The following PPP2R3C variants were observed in gnomAD, a reference collection of about 807,000 sequenced individuals.
The protein encoded by PPP2R3C is serine/threonine-protein phosphatase 2A regulatory subunit B'' subunit gamma.
A neutral mutation model predicts 63.7 loss-of-function variants in PPP2R3C; 47 were observed. That is an observed-to-expected ratio of 0.74 (90% CI 0.58 to 0.94). The LOEUF is 0.94. Ranked by LOEUF, PPP2R3C falls within the 40% of genes least tolerant of loss-of-function variation. The probability of loss-of-function intolerance (pLI) is 0.00; values close to 1 mark genes in which losing one functional copy is unlikely to be tolerated. For missense variants in PPP2R3C, 421 were observed against 518.4 expected (o/e 0.81, Z 1.82); for synonymous variants, 180 against 177.4 (o/e 1.01, Z -0.12).
At chr14:35,100,180 G>T (rs2046140713) in intron 6 of PPP2R3C, 1 of 152,074 alleles carries the variant, frequency 6.6e-6, no homozygotes, top group Non-Finnish European at 1.5e-5. Flanking sequence ...TTATATCATT[G>T]CATAGATGTG....
At chr14:35,106,663 A>ATTTTTTT in intron 6 of PPP2R3C, among the ~76,000 whole-genome samples, 1 of 100,402 alleles carries the variant, frequency 1.0e-5, no homozygotes, top group East Asian at 3.0e-4. Context: ...CAGCCAATAC[A>ATTTTTTT]TTTTTTTTTT....
At chr14:35,122,201 T>C, upstream of PPP2R3C, 1 of 530,038 alleles carries the variant, frequency 1.9e-6, no homozygotes, top group South Asian at 2.2e-5. Context: ...TGGTTCTCCT[T>C]CAGAGGCGAC....
chr14:35,114,495 A>G (rs552871866), intron 2 of PPP2R3C, among the ~76,000 whole-genome samples: 38 of 152,340 alleles, frequency 2.5e-4, no homozygotes, highest in Non-Finnish European at 5.0e-4. Flanking sequence ...ATCATTGTTT[A>G]CTATACTTGC....
At chr14:35,120,166 A>T (rs1011717734) in intron 1 of PPP2R3C, among the ~76,000 whole-genome samples, 1 of 150,746 alleles carries the variant, frequency 6.6e-6, no homozygotes, top group Non-Finnish European at 1.5e-5. Flanking sequence ...CAGTGAAGCC[A>T]GAGTGTATGG....
At position 35,085,499 on chromosome 14, in the gene PPP2R3C, T is replaced by C. The variant is rs2045561140; in HGVS notation, c.*91A>G. The C allele has an allele frequency of 4.9e-6, 6 of 1,215,612 alleles. No individual in the cohort carries two copies. Among genetic ancestry groups the C allele is most frequent in the Non-Finnish European group, 6.7e-6 (6 of 894,918 alleles). 75.3% of individuals were successfully genotyped at this position (1,215,612 alleles called of 1,614,324 possible). A position where few individuals can be genotyped will look rare whatever the true frequency, so the allele number is the denominator to read the frequency against. On this transcript the variant is annotated 3_prime_UTR_variant, in exon 13 of 13. Transcript: ENST00000261475. ...TGTTCTCTAGGCATATCAAGTGTTT[T>C]ATTTAGACCATTTCTGAGGATTTTG...
At chr14:35,096,203 C>T (rs999635020) in intron 9 of PPP2R3C, among the ~76,000 whole-genome samples, 3 of 137,916 alleles carry the variant, frequency 2.2e-5, no homozygotes, top group Admixed American at 8.1e-5. Context: ...ATTAGCCAGG[C>T]ATGGCGCCTG....
At chr14:35,102,507 AAC>A (rs1390353366) in intron 6 of PPP2R3C, 4 of 152,110 alleles carry the variant, frequency 2.6e-5, no homozygotes, top group Non-Finnish European at 5.9e-5. Context: ...CCTCTATTCC[AAC>A]AGTTACTCAA....
chr14:35,118,456 T>C (rs1292265195), intron 1 of PPP2R3C, among the ~76,000 whole-genome samples: 1 of 152,128 alleles, frequency 6.6e-6, no homozygotes, highest in East Asian at 1.9e-4. Context: ...ACCTATATAA[T>C]TTACTTATTA....
At chr14:35,121,724 G>A in intron 1 of PPP2R3C, 178 bp downstream of exon 1, 1 of 637,000 alleles carries the variant, frequency 1.6e-6, no homozygotes, top group Non-Finnish European at 2.7e-6. Flanking sequence ...TCTGCCCCAG[G>A]AAAGTTTGGG....
intron 2 of PPP2R3C, among the ~76,000 whole-genome samples, chr14:35,116,263 G>A (rs1247953545): frequency 6.6e-6 from 1 of 150,936 alleles, no homozygotes; most frequent in Admixed American, 6.6e-5. Flanking sequence ...TTTTTCTGGG[G>A]GTGGGGAGGA....
chr14:35,110,428 G>A lies in PPP2R3C; in HGVS notation c.291+97C>T, dbSNP rs575758447. 9.1e-6 allele frequency: 7 copies of A among 768,796 alleles called. No individual in the cohort carries two copies. The African/African-American group carries it at 1.2e-4, about 13-fold the overall frequency. The allele number at this position is 768,796 out of a possible 1,614,324, so 47.6% of individuals were successfully genotyped here. A position where few individuals can be genotyped will look rare whatever the true frequency, so the allele number is the denominator to read the frequency against. ...AGAGCCTATGTAGTACCACTCTGTA[G>A]TACGGACTCCATTAGGCACCAAGAA... On this transcript the variant is annotated intron_variant, in intron 3 of 12. Transcript: ENST00000261475.
chr14:35,116,605 CT>C lies in PPP2R3C; in HGVS notation c.186+4del. On this transcript the variant is annotated splice_donor_region_variant and intron_variant, in intron 2 of 12. Transcript: ENST00000261475. ...CTGCAGGACATTTGATTAGACACTA[CT>C]TACCCTATAATAAAACCGGGGAATG... The C allele has an allele frequency of 6.3e-7, 1 of 1,582,736 alleles. No individual in the cohort carries two copies. Among genetic ancestry groups the C allele is most frequent in the Non-Finnish European group, 8.6e-7 (1 of 1,164,934 alleles).
At chr14:35,096,032 A>G (rs2045988715) in intron 9 of PPP2R3C, among the ~76,000 whole-genome samples, 1 of 152,128 alleles carries the variant, frequency 6.6e-6, no homozygotes, top group South Asian at 2.1e-4. Context: ...TCTATTGAAA[A>G]GGAAGTGTAT....
chr14:35,111,060 C>A (rs375086207), intron 2 of PPP2R3C, among the ~76,000 whole-genome samples: 29 of 152,018 alleles, frequency 1.9e-4, no homozygotes, highest in African/African-American at 6.7e-4. Context: ...CACTGTGCAA[C>A]CCCGTCTCTA....
At chr14:35,122,040 A>G (rs1201916012), upstream of PPP2R3C, 1 of 1,522,100 alleles carries the variant, frequency 6.6e-7, no homozygotes, top group African/African-American at 1.4e-5. Flanking sequence ...CAGCACCGCC[A>G]GGCCCCGTAA....
chr14:35,107,312 G>A lies in PPP2R3C; in HGVS notation c.565C>T (p.Arg189Trp), dbSNP rs763912719. The A allele has an allele frequency of 1.2e-6, 2 of 1,601,360 alleles. No homozygotes were observed. Among genetic ancestry groups the A allele is most frequent in the Non-Finnish European group, 1.7e-6 (2 of 1,168,498 alleles). ...ATAAGGTTAACACTTACAGATTCCC[G>A]AAGGTACCCCTGCCCAGCGACATCA... is the stretch of plus-strand genomic sequence containing the variant. ...LYDVAGQGYL[R>W]ESDLENYILE... The change falls in exon 6 of 13, where the codon CGG (arginine) becomes TGG (tryptophan). Residue 189 changes from arginine (R) to tryptophan (W), a missense_variant. Arg to Trp is a moderately radical substitution (Grantham distance 101). Coordinates refer to ENST00000261475, the MANE Select transcript of PPP2R3C (RefSeq NM_017917.4).
At position 35,085,550 on chromosome 14, in the gene PPP2R3C, C is replaced by T. The variant is rs751142201; in HGVS notation, c.*40G>A. On this transcript the variant is annotated 3_prime_UTR_variant, in exon 13 of 13. Transcript: ENST00000261475. Reference sequence around the variant, plus strand: ...CTTTAAAGGCTTTACATGCAGCATTCAAGTATCTCATAATATAAGACAGTC... The same window carrying T: ...CTTTAAAGGCTTTACATGCAGCATTTAAGTATCTCATAATATAAGACAGTC... 1.3e-6 allele frequency: 2 copies of T among 1,508,620 alleles called. No homozygotes were observed. The highest frequency in any genetic ancestry group is 2.6e-5 in the South Asian group (2 of 76,802). The allele number at this position is 1,508,620 out of a possible 1,614,324, so 93.5% of individuals were successfully genotyped here. A position where few individuals can be genotyped will look rare whatever the true frequency, so the allele number is the denominator to read the frequency against.
intron 9 of PPP2R3C, among the ~76,000 whole-genome samples, chr14:35,095,674 T>TAA (rs1324683162): frequency 8.2e-6 from 1 of 121,664 alleles, no homozygotes; most frequent in Non-Finnish European, 1.7e-5. Context: ...CCGTCTCTAC[T>TAA]AAAAAAAAAA....
At position 35,086,940 on chromosome 14, in the gene PPP2R3C, G is replaced by A. The variant is rs192513280; in HGVS notation, c.1173+1011C>T. On this transcript the variant is annotated intron_variant, in intron 12 of 12. Coordinates refer to ENST00000261475, the MANE Select transcript of PPP2R3C (RefSeq NM_017917.4). ...GACCTCCCAAATAGCTGGGATTACA[G>A]CCGTGTACCACCACACCCGGCTAAC... The A allele has an allele frequency of 2.6e-5, 4 of 152,156 alleles. 1 individual carries two copies. The highest frequency in any genetic ancestry group is 9.6e-5 in the African/African-American group (4 of 41,530). The allele number at this position is 152,156 out of a possible 1,614,324, so 9.4% of individuals were successfully genotyped here.
Sources: allele counts gnomAD v4.1 joint callset (sites outside exome capture counted in the v4.1 genomes callset), GRCh38; gene constraint gnomAD v4.1.1; transcripts MANE v1.5; gene names NCBI Gene and HGNC (gene_info 2026-07-23, HGNC 2026-07-21).